The following CRTAC1 variants were observed in gnomAD, a reference collection of about 807,000 sequenced individuals.
CRTAC1 encodes the protein acidic secreted protein in cartilage.
CRTAC1 carries 37 observed loss-of-function variants against 67.8 expected under a neutral mutation model. The observed-to-expected ratio is 0.55, with a 90% CI of 0.42 to 0.72. The LOEUF is 0.72. CRTAC1 is among the 30% of genes least tolerant of loss of function. The pLI is 0.00. For missense variants in CRTAC1, 780 were observed against 931.6 expected, an observed-to-expected ratio of 0.84 and a Z score of 2.12; for synonymous variants, 348 against 371.0, an observed-to-expected ratio of 0.94 and a Z score of 0.71.
At chr10:97,874,640 T>C (rs2050126790) in intron 14 of CRTAC1, among the ~76,000 whole-genome samples, 1 of 152,162 alleles carries the variant, frequency 6.6e-6, no homozygotes, top group Non-Finnish European at 1.5e-5. Context: ...GGCTACTTAA[T>C]AATAGTATCT....
chr10:97,957,353 C>G (rs564309417), intron 2 of CRTAC1, among the ~76,000 whole-genome samples: 1 of 151,958 alleles, frequency 6.6e-6, no homozygotes, highest in East Asian at 1.9e-4. Context: ...GGAGGTGGGC[C>G]GGGGACAGCA....
chr10:97,877,430 C>T (rs1238552154), intron 14 of CRTAC1, among the ~76,000 whole-genome samples: 1 of 146,578 alleles, frequency 6.8e-6, no homozygotes. Flanking sequence ...TGCCTAGAGC[C>T]TAGCTCAGTA....
intron 2 of CRTAC1, among the ~76,000 whole-genome samples, chr10:97,952,220 T>C (rs959632821): frequency 1.1e-4 from 17 of 151,858 alleles, no homozygotes; most frequent in African/African-American, 4.1e-4. Flanking sequence ...GGTGTGGTGG[T>C]GGGCACCTGT....
chr10:97,918,606 T>C (rs1445495696), intron 4 of CRTAC1, among the ~76,000 whole-genome samples: 9 of 152,192 alleles, frequency 5.9e-5, no homozygotes, highest in Admixed American at 5.9e-4. Flanking sequence ...GTAGGTTGCT[T>C]GTAGTCTAGT....
At chr10:97,981,541 A>T (rs1482436575) in intron 2 of CRTAC1, among the ~76,000 whole-genome samples, 1 of 152,262 alleles carries the variant, frequency 6.6e-6, no homozygotes. Context: ...TGTTATTAAC[A>T]GATATTAAAG....
intron 2 of CRTAC1, among the ~76,000 whole-genome samples, chr10:97,947,292 G>A (rs923589466): frequency 6.6e-6 from 1 of 152,208 alleles, no homozygotes; most frequent in African/African-American, 2.4e-5. Flanking sequence ...CTCCAGCCTA[G>A]TATAGCAAAT....
intron 2 of CRTAC1, among the ~76,000 whole-genome samples, chr10:98,004,466 G>A (rs555063610): frequency 1.3e-5 from 2 of 152,266 alleles, no homozygotes; most frequent in African/African-American, 4.8e-5. Context: ...TTTATTTCTA[G>A]GCTATGAGTA....
intron 13 of CRTAC1, 55 bp from the exon 14 acceptor site, chr10:97,880,447 C>T: frequency 6.3e-7 from 1 of 1,594,494 alleles, no homozygotes; most frequent in African/African-American, 1.3e-5. Flanking sequence ...AAGTACCAGC[C>T]CAGGCTCTGC....
In CRTAC1 at chr10:97,888,529, A is replaced by AAGAAT. The variant is rs1288399857; in HGVS notation, c.1487-4179_1487-4178insATTCT. On this transcript the variant is annotated intron_variant, in intron 11 of 14. Transcript: ENST00000370597. ...GGGCTTCAGAGGCTTCACACTTACG[A>AAGAAT]GGTGGGTATTTATCCCCATTCTCCA... Among the ~76,000 whole-genome samples the AAGAAT allele has an allele frequency of 3.5e-3, 526 of 152,276 alleles. 4 individuals are homozygous for AAGAAT. The highest frequency in any genetic ancestry group is 0.012 in the African/African-American group (478 of 41,554).
chr10:97,895,118 G>A lies in CRTAC1; in HGVS notation c.1486+127C>T, dbSNP rs143991182. The A allele has an allele frequency of 0.017, 15,692 of 907,686 alleles. 171 individuals carry two copies. Among genetic ancestry groups the A allele is most frequent in the Non-Finnish European group, 0.02 (12,335 of 608,600 alleles). The allele number at this position is 907,686 out of a possible 1,614,324, so 56.2% of individuals were successfully genotyped here. A position where few individuals can be genotyped will look rare whatever the true frequency, so the allele number is the denominator to read the frequency against. On this transcript the variant is annotated intron_variant, in intron 11 of 14. Coordinates refer to ENST00000370597, the MANE Select transcript of CRTAC1 (RefSeq NM_018058.7). The surrounding 1 kb of genome is among the most constrained non-coding windows in gnomAD (Gnocchi z 4.2). ...CATCTCAGAGTAGGGTTTGTCCCCA[G>A]TAGCTGGTGTCCACCATGGCTGTCA...
intron 2 of CRTAC1, among the ~76,000 whole-genome samples, chr10:97,946,143 G>C (rs1027882083): frequency 2.0e-5 from 3 of 152,206 alleles, no homozygotes; most frequent in Non-Finnish European, 4.4e-5. Flanking sequence ...AAGACAGGGA[G>C]TCAGGAATTC....
intron 3 of CRTAC1, among the ~76,000 whole-genome samples, chr10:97,925,820 G>A (rs1349589499): frequency 2.0e-5 from 3 of 152,132 alleles, no homozygotes; most frequent in Non-Finnish European, 2.9e-5. Context: ...GAGCGGATGA[G>A]CGTGAGTACT....
intron 1 of CRTAC1, among the ~76,000 whole-genome samples, chr10:98,012,297 G>T (rs1842924057): frequency 6.6e-6 from 1 of 152,170 alleles, no homozygotes; most frequent in Admixed American, 6.5e-5. Flanking sequence ...GGCCAAGGAG[G>T]TGGAGGGATT....
intron 1 of CRTAC1, among the ~76,000 whole-genome samples, chr10:98,017,770 C>T (rs541208950): frequency 9.9e-5 from 15 of 151,580 alleles, no homozygotes; most frequent in South Asian, 8.4e-4. Flanking sequence ...CTTCCTGGGC[C>T]CAAGCAATTC....
At chr10:97,885,673 T>C (rs952538330) in intron 11 of CRTAC1, among the ~76,000 whole-genome samples, 2 of 152,046 alleles carry the variant, frequency 1.3e-5, no homozygotes, top group Non-Finnish European at 2.9e-5. Flanking sequence ...GGGCCTCACC[T>C]TCCAGGAGAG....
At chr10:97,917,385 G>T in intron 5 of CRTAC1, 115 bp downstream of exon 5, 1 of 799,880 alleles carries the variant, frequency 1.3e-6, no homozygotes, top group Non-Finnish European at 1.8e-6. Context: ...CCCTCACCAG[G>T]GACATAAGGC....
intron 7 of CRTAC1, among the ~76,000 whole-genome samples, chr10:97,902,470 G>T (rs2050555387): frequency 6.6e-6 from 1 of 152,176 alleles, no homozygotes; most frequent in African/African-American, 2.4e-5. Flanking sequence ...CAGGACTAAT[G>T]GGGAGACCCC....
intron 2 of CRTAC1, among the ~76,000 whole-genome samples, chr10:97,942,900 T>A (rs1038832569): frequency 2.0e-5 from 3 of 151,740 alleles, no homozygotes; most frequent in African/African-American, 7.3e-5. Context: ...CACCTGTCTC[T>A]ACAAAAAAAT....
chr10:97,900,446 G>A (rs929382383), intron 8 of CRTAC1, among the ~76,000 whole-genome samples: 12 of 152,186 alleles, frequency 7.9e-5, no homozygotes, highest in African/African-American at 2.4e-4. Flanking sequence ...CTTGGACCCC[G>A]TAGCCCCTTT....
Sources: allele counts gnomAD v4.1 joint callset (sites outside exome capture counted in the v4.1 genomes callset), GRCh38; gene constraint gnomAD v4.1.1; non-coding constraint Gnocchi (gnomAD v3.1); transcripts MANE v1.5; gene names NCBI Gene and HGNC (gene_info 2026-07-23, HGNC 2026-07-21).